ZYX: variants seen among roughly 807,000 people sequenced by gnomAD.
The protein encoded by ZYX is zyxin, also known as zyxin-2.
A neutral mutation model predicts 58.1 loss-of-function variants in ZYX; 37 were observed. That is an observed-to-expected ratio of 0.64 (90% CI 0.49 to 0.84). The LOEUF is 0.84. Ranked by LOEUF, ZYX falls within the 40% of genes least tolerant of loss-of-function variation. ZYX has a pLI of 0.00. For missense variants in ZYX, 762 were observed against 761.6 expected (o/e 1.00, Z -0.01); for synonymous variants, 324 against 321.1 (o/e 1.01, Z -0.10).
intron 3 of ZYX, 56 bp from the exon 4 acceptor site, chr7:143,382,537 C>T: frequency 6.2e-7 from 1 of 1,604,084 alleles, no homozygotes; most frequent in Admixed American, 1.7e-5. Context: ...GCACCTCTGC[C>T]TTGGGGGTGG....
At position 143,382,999 on chromosome 7, in the gene ZYX, G is replaced by C. The variant is rs143822276; in HGVS notation, c.700G>C (p.Val234Leu). 1.5e-4 allele frequency: 244 copies of C among 1,613,750 alleles called. 1 individual carries two copies. The African/African-American group carries it at 3.1e-3, about 21-fold the overall frequency. ...VQPQPQPKPQ[V>L]QLHVQSQTQP... ...GCCCCAGCCCCAGCCCAAGCCTCAGGTCCAACTCCATGTCCAGTCCCAGAC... is the reference window on the plus strand; with the variant it reads ...GCCCCAGCCCCAGCCCAAGCCTCAGCTCCAACTCCATGTCCAGTCCCAGAC... The change falls in exon 5 of 10, where the codon GTC (valine) becomes CTC (leucine). Residue 234 changes from valine to leucine, a missense_variant. Val to Leu is a conservative substitution (Grantham distance 32). Transcript: ENST00000322764.
At position 143,387,697 on chromosome 7, in the gene ZYX, T is replaced by G. The variant is rs984876555; in HGVS notation, c.1024-522T>G. 5 of 470,998 alleles carry G rather than the reference T, an allele frequency of 1.1e-5. No individual in the cohort carries two copies. Among genetic ancestry groups the G allele is most frequent in the Middle Eastern group, 3.2e-4 (1 of 3,096 alleles). 29.2% of individuals were successfully genotyped at this position (470,998 alleles called of 1,614,324 possible). A position where few individuals can be genotyped will look rare whatever the true frequency, so the allele number is the denominator to read the frequency against. On this transcript the variant is annotated intron_variant, in intron 5 of 9. Transcript: ENST00000322764. This position sits in a 1 kb window ranked among gnomAD's most constrained non-coding sequence, Gnocchi z 5.8. Reference sequence around the variant, plus strand: ...TCTCTGTGTGGGGGTGGGGCTGGGTTCTTGCAGACAGCTCAGTGGGTTTAA... The same window carrying G: ...TCTCTGTGTGGGGGTGGGGCTGGGTGCTTGCAGACAGCTCAGTGGGTTTAA...
Position 143,388,049 on chromosome 7 carries a change from TG to T in ZYX, c.1024-166del. 1.4e-6 allele frequency: 1 copy of T among 718,864 alleles called. No individual in the cohort carries two copies. The highest frequency in any genetic ancestry group is 2.3e-6 in the Non-Finnish European group (1 of 435,168). 44.5% of individuals were successfully genotyped at this position (718,864 alleles called of 1,614,324 possible). ...CCTTCCCCTGTTATTTGTGTGGTGCTGGGGATGGCGGGGGTAGGGGGACGAG... is the reference window on the plus strand; with the variant it reads ...CCTTCCCCTGTTATTTGTGTGGTGCTGGGATGGCGGGGGTAGGGGGACGAG... On this transcript the variant is annotated intron_variant, in intron 5 of 9. Transcript: ENST00000322764. The surrounding 1 kb of genome is among the most constrained non-coding windows in gnomAD (Gnocchi z 7.5).
At position 143,390,153 on chromosome 7, in the gene ZYX, A is replaced by AGC; in HGVS notation, c.1614+176_1614+177insGC. 1.1e-6 allele frequency: 1 copy of AGC among 886,210 alleles called. No individual in the cohort carries two copies. 54.9% of individuals were successfully genotyped at this position (886,210 alleles called of 1,614,324 possible). ...CAGAATGCTTCCTGCCACTGCAGGA[A>AGC]ATGGGGCTGTGGGGCTTCTGAGGTC... On this transcript the variant is annotated intron_variant, in intron 9 of 9. Transcript: ENST00000322764. The surrounding 1 kb of genome is among the most constrained non-coding windows in gnomAD (Gnocchi z 4.3).
chr7:143,382,097 C>A (rs1383345697), intron 2 of ZYX, 151 bp from the exon 3 acceptor site: 1 of 681,140 alleles, frequency 1.5e-6, no homozygotes, highest in African/African-American at 1.8e-5. Flanking sequence ...ACCTGGTACT[C>A]CCAGGGCGCC....
intron 5 of ZYX, among the ~76,000 whole-genome samples, chr7:143,386,150 C>A (rs2116581298): frequency 6.6e-6 from 1 of 151,752 alleles, no homozygotes; most frequent in East Asian, 1.9e-4. Context: ...GTGGTTTTTG[C>A]AAGTTAGGGG....
Position 143,388,945 on chromosome 7 carries a change from A to G in ZYX, c.1493A>G (p.Lys498Arg). The G allele has an allele frequency of 1.2e-6, 2 of 1,605,028 alleles. No homozygotes were observed. The highest frequency in any genetic ancestry group is 1.7e-6 in the Non-Finnish European group (2 of 1,175,502). Residue 498 changes from lysine to arginine, a missense_variant and splice_region_variant, in exon 8 of 10, where the codon AAG (lysine) becomes AGG (arginine). Lys to Arg is a conservative substitution (Grantham distance 26). Transcript: ENST00000322764. This position sits in a 1 kb window ranked among gnomAD's most constrained non-coding sequence, Gnocchi z 7.5. ...NRPHCVPDYH[K>R]QYAPRCSVCS... ...CCCCACTGTGTCCCCGACTACCACA[A>G]GTGAGGACCTGCCACCTGCCTTCTG...
chr7:143,386,614 G>C (rs1471896954), intron 5 of ZYX, among the ~76,000 whole-genome samples: 4 of 152,104 alleles, frequency 2.6e-5, no homozygotes, highest in Admixed American at 1.3e-4. Flanking sequence ...GGATAGCTGC[G>C]GGTGGCTGCA....
At chr7:143,381,808 C>T in intron 2 of ZYX, 29 bp downstream of exon 2, 1 of 1,501,138 alleles carries the variant, frequency 6.7e-7, no homozygotes, top group Non-Finnish European at 8.9e-7. Context: ...GGAATGTACC[C>T]CGGCAGGAGC....
rs999603946 is a variant in ZYX, at chr7:143,390,797, A to G, written c.*115A>G. ...TGATGTCTAGCCCCTCCCATTTCCA[A>G]CCCCTCCCTAGCATCCCAGGTGCCC... is the stretch of plus-strand genomic sequence containing the variant. On this transcript the variant is annotated 3_prime_UTR_variant, in exon 10 of 10. Transcript: ENST00000322764. This position sits in a 1 kb window ranked among gnomAD's most constrained non-coding sequence, Gnocchi z 4.3. 2.9e-5 allele frequency: 23 copies of G among 786,998 alleles called. No individual in the cohort carries two copies. The highest frequency in any genetic ancestry group is 1.7e-5 in the African/African-American group (1 of 58,490). The allele number at this position is 786,998 out of a possible 1,614,324, so 48.8% of individuals were successfully genotyped here.
chr7:143,387,352 G>A lies in ZYX; in HGVS notation c.1024-867G>A, dbSNP rs1466105824. 6.6e-6 allele frequency among the ~76,000 whole-genome samples: 1 copy of A among 152,054 alleles called. No homozygotes were observed. Among genetic ancestry groups the A allele is most frequent in the Non-Finnish European group, 1.5e-5 (1 of 67,974 alleles). On this transcript the variant is annotated intron_variant, in intron 5 of 9. Coordinates refer to ENST00000322764, the MANE Select transcript of ZYX (RefSeq NM_003461.5). The surrounding 1 kb of genome is among the most constrained non-coding windows in gnomAD (Gnocchi z 5.8). ...GTTATGGGAATGAAGGCATCTGCAG[G>A]TAGCACACTCAGTGATGGGGCCACA...
chr7:143,388,235 C>A lies in ZYX; in HGVS notation c.1040C>A (p.Ala347Asp), dbSNP rs776601025. Residue 347 changes from alanine (A) to aspartate (D), a missense_variant, in exon 6 of 10, where the codon GCC becomes GAC. Physicochemically the swap from Ala to Asp is moderately radical, Grantham distance 126. Coordinates refer to ENST00000322764, the MANE Select transcript of ZYX (RefSeq NM_003461.5). This position sits in a 1 kb window ranked among gnomAD's most constrained non-coding sequence, Gnocchi z 7.5. ...QNQNQVRSPG[A>D]PGPLTLKEVE... ...GGATTGCAGGTGCGCTCCCCTGGGG[C>A]CCCAGGGCCCCTGACTCTGAAGGAG... 9 of 1,607,268 alleles carry A rather than the reference C, an allele frequency of 5.6e-6. No individual in the cohort carries two copies. The highest frequency in any genetic ancestry group is 1.7e-6 in the Non-Finnish European group (2 of 1,176,788).
chr7:143,381,616 G>A lies in ZYX; in HGVS notation c.45G>A (p.Ser15=). ...CTCCCGCGATCTCCGTTTCGGTCTC[G>A]GCTCCGGCTTTTTACGCCCCGCAGA... ...RPSPAISVSV[S]APAFYAPQKK... Residue 15 remains serine (S), a synonymous_variant, in exon 2 of 10, where the codon TCG becomes TCA. Coordinates refer to ENST00000322764, the MANE Select transcript of ZYX (RefSeq NM_003461.5). 1.9e-6 allele frequency: 3 copies of A among 1,612,128 alleles called. No individual in the cohort carries two copies. The highest frequency in any genetic ancestry group is 2.5e-6 in the Non-Finnish European group (3 of 1,179,550).
rs796969663 is a variant in ZYX at position 143,381,883 on chromosome 7, G to A, written c.208+104G>A. The A allele has an allele frequency of 7.8e-6, 9 of 1,157,446 alleles. No homozygotes were observed. The African/African-American group carries it at 1.4e-4, about 18-fold the overall frequency. 71.7% of individuals were successfully genotyped at this position (1,157,446 alleles called of 1,614,324 possible). A position where few individuals can be genotyped will look rare whatever the true frequency, so the allele number is the denominator to read the frequency against. On this transcript the variant is annotated intron_variant, in intron 2 of 9. Coordinates refer to ENST00000322764, the MANE Select transcript of ZYX (RefSeq NM_003461.5). ...TGGAAAGGTTGTTGCCGAGGGGGCT[G>A]GGCGCAGCCACCCTGTCCCGAGCAG...
Position 143,382,401 on chromosome 7 carries a change from C to CTGGA in ZYX, c.362_363insTGGA (p.Glu122GlyfsTer8). The CTGGA allele has an allele frequency of 6.3e-7, 1 of 1,580,288 alleles. No individual in the cohort carries two copies. On this transcript the variant is annotated frameshift_variant, in exon 3 of 10. Coordinates refer to ENST00000322764, the MANE Select transcript of ZYX (RefSeq NM_003461.5). LOFTEE classifies it high-confidence loss of function. ...ATCTTCCCTTCCCCGCCGCCTCCTC[C>CTGGA]GGAGGAGGAGGGAGGGCCTGAGGCC...
At chr7:143,386,180 T>G (rs745453526) in intron 5 of ZYX, among the ~76,000 whole-genome samples, 4 of 151,866 alleles carry the variant, frequency 2.6e-5, no homozygotes, top group Non-Finnish European at 5.9e-5. Context: ...CAGGTACGTG[T>G]GTAACCCGGG....
chr7:143,383,462 C>T lies in ZYX; in HGVS notation c.1023+140C>T, dbSNP rs929216330. 5 of 1,140,388 alleles carry T rather than the reference C, an allele frequency of 4.4e-6. No homozygotes were observed. In the African/African-American group the frequency reaches 7.8e-5, roughly 18 times the overall value. 70.6% of individuals were successfully genotyped at this position (1,140,388 alleles called of 1,614,324 possible). A position where few individuals can be genotyped will look rare whatever the true frequency, so the allele number is the denominator to read the frequency against. On this transcript the variant is annotated intron_variant, in intron 5 of 9. Transcript: ENST00000322764. ...GGGGTGGCGGGATAGGAATTTTCATCCTCTGGGGTTAGCCTGGTGGAACAA... is the reference window on the plus strand; with the variant it reads ...GGGGTGGCGGGATAGGAATTTTCATTCTCTGGGGTTAGCCTGGTGGAACAA...
chr7:143,385,826 G>A (rs1804845341), intron 5 of ZYX, among the ~76,000 whole-genome samples: 1 of 151,794 alleles, frequency 6.6e-6, no homozygotes, highest in South Asian at 2.1e-4. Flanking sequence ...GTATTTTTTA[G>A]TAGAGATGGG....
chr7:143,383,905 G>C (rs1451765641), intron 5 of ZYX, among the ~76,000 whole-genome samples: 1 of 152,196 alleles, frequency 6.6e-6, no homozygotes, highest in Non-Finnish European at 1.5e-5. Context: ...CTTCTCCCAA[G>C]TCCTTAGACT....
Sources: gnomAD v4.1 joint callset for allele counts (sites outside exome capture counted in the v4.1 genomes callset) on GRCh38, gnomAD v4.1.1 for gene constraint, Gnocchi (gnomAD v3.1) non-coding constraint, MANE v1.5 for transcripts, NCBI Gene and HGNC (gene_info 2026-07-23, HGNC 2026-07-21) for gene names.